The following RIC8B variants were observed in gnomAD, a reference collection of about 807,000 sequenced individuals.
RIC8B encodes chaperone Ric-8B.
In RIC8B, 16 loss-of-function variants were observed where a neutral mutation model predicts 57.5. The ratio of observed to expected loss-of-function variants is 0.28; its 90% confidence interval spans 0.19 to 0.42. The LOEUF (loss-of-function observed/expected upper bound fraction) is 0.42. RIC8B is among the 10% of genes least tolerant of loss of function. RIC8B has a pLI of 1.00. For missense variants in RIC8B, 481 were observed against 677.0 expected (o/e 0.71, Z 3.21); for synonymous variants, 216 against 250.8 (o/e 0.86, Z 1.31).
chr12:106,797,883 AG>A (rs1249818889), intron 2 of RIC8B: 1 of 444,896 alleles, frequency 2.2e-6, no homozygotes, highest in Non-Finnish European at 4.0e-6. Flanking sequence ...CCTGGCTCCA[AG>A]ACCCGTGTGC....
intron 3 of RIC8B, among the ~76,000 whole-genome samples, chr12:106,815,781 G>C (rs192798287): frequency 6.6e-6 from 1 of 152,322 alleles, no homozygotes; most frequent in African/African-American, 2.4e-5. Flanking sequence ...TGTTGTCCCA[G>C]TCTCTGGGAG....
chr12:106,826,286 G>A (rs1181577443), intron 4 of RIC8B, among the ~76,000 whole-genome samples: 1 of 152,136 alleles, frequency 6.6e-6, no homozygotes, highest in Non-Finnish European at 1.5e-5. Context: ...AGATTATACA[G>A]CCCTAACAAG....
At chr12:106,882,418 C>T (rs1950984376) in intron 9 of RIC8B, among the ~76,000 whole-genome samples, 1 of 152,186 alleles carries the variant, frequency 6.6e-6, no homozygotes, top group Non-Finnish European at 1.5e-5. Flanking sequence ...GTGCTTTTCA[C>T]TATACCACAA....
intron 7 of RIC8B, among the ~76,000 whole-genome samples, chr12:106,857,825 G>A (rs185418781): frequency 2.6e-5 from 4 of 152,226 alleles, no homozygotes; most frequent in East Asian, 3.9e-4. Flanking sequence ...TGAGGATTTC[G>A]TATTTCATTT....
intron 9 of RIC8B, among the ~76,000 whole-genome samples, chr12:106,873,928 T>G (rs562245186): frequency 3.3e-4 from 50 of 152,320 alleles, no homozygotes; most frequent in African/African-American, 1.1e-3. Context: ...TAATAAGTCT[T>G]GGATAGTCAC....
chr12:106,864,930 T>G (rs1950080038), intron 8 of RIC8B, among the ~76,000 whole-genome samples: 1 of 152,186 alleles, frequency 6.6e-6, no homozygotes, highest in Non-Finnish European at 1.5e-5. Flanking sequence ...CTTTTGTTAT[T>G]GGCTAGTGTC....
At chr12:106,836,944 C>CCAGA (rs2046627349) in intron 4 of RIC8B, among the ~76,000 whole-genome samples, 1 of 152,218 alleles carries the variant, frequency 6.6e-6, no homozygotes, top group Admixed American at 6.5e-5. Context: ...TGCTCCTGCC[C>CCAGA]CAGAGCCTTT....
At chr12:106,885,883 C>G (rs1566192754) in intron 9 of RIC8B, 21 bp from the exon 10 acceptor site, 8 of 1,513,226 alleles carry the variant, frequency 5.3e-6, no homozygotes, top group African/African-American at 1.4e-5. Flanking sequence ...TTTTTTCTCT[C>G]TCTTTTATCT....
chr12:106,785,785 GTCTC>G lies in RIC8B; in HGVS notation c.132+1767_132+1770del, dbSNP rs370138594. Among the ~76,000 whole-genome samples the G allele has an allele frequency of 2.3e-3, 245 of 104,664 alleles. 3 individuals carry two copies. The highest frequency in any genetic ancestry group is 7.3e-3 in the African/African-American group (194 of 26,492). 68.7% of individuals were successfully genotyped at this position (104,664 alleles called of 152,430 possible). ...TGAGCTCCAGACATGTGTATTCTAT[GTCTC>G]TCTCTCTCTCTCTCTCTCTCTCTCT... On this transcript the variant is annotated intron_variant, in intron 2 of 9. Transcript: ENST00000392837.
intron 2 of RIC8B, among the ~76,000 whole-genome samples, chr12:106,793,464 GGTTAACC>G (rs1464459014): frequency 1.3e-5 from 2 of 152,334 alleles, no homozygotes; most frequent in East Asian, 3.9e-4. Flanking sequence ...TGGAGATATA[GGTTAACC>G]CAAAGGCCAG....
At chr12:106,810,804 G>C (rs962992730) in intron 2 of RIC8B, among the ~76,000 whole-genome samples, 1 of 152,176 alleles carries the variant, frequency 6.6e-6, no homozygotes, top group Non-Finnish European at 1.5e-5. Context: ...TTATAATAAT[G>C]TATAACAGAT....
chr12:106,855,931 T>C lies in RIC8B; in HGVS notation c.1306+4337T>C, dbSNP rs1272380814. On this transcript the variant is annotated intron_variant, in intron 7 of 9. Transcript: ENST00000392837. ...TCAAACTCATAGCTAAAGTTGAATT[T>C]ATGATCTTCATTCCCATGCCCTTCG... is the stretch of plus-strand genomic sequence containing the variant. Among the ~76,000 whole-genome samples, 5 of 152,186 alleles carry C rather than the reference T, an allele frequency of 3.3e-5. No homozygotes were observed. In the East Asian group the frequency reaches 9.6e-4, roughly 29 times the overall value.
At chr12:106,828,056 G>T (rs897473833) in intron 4 of RIC8B, among the ~76,000 whole-genome samples, 3 of 152,126 alleles carry the variant, frequency 2.0e-5, no homozygotes, top group African/African-American at 7.2e-5. Flanking sequence ...TTTTAAAGAA[G>T]TCGTATTTAT....
At position 106,814,999 on chromosome 12, in the gene RIC8B, A is replaced by T; in HGVS notation, c.436A>T (p.Asn146Tyr). ...ACTTAATCTTGCTGCAAAGCTCTGT[A>T]ACCTCCTGAGAAAGTGCAAGGACCG... ...LELNLAAKLC[N>Y]LLRKCKDRKF... The change falls in exon 3 of 10, where the codon AAC (asparagine) becomes TAC (tyrosine). Residue 146 changes from asparagine to tyrosine, a missense_variant. By Grantham distance (143) the Asn-to-Tyr change is moderately radical. This residue lies in a region of RIC8B where 421 missense variants were observed against 560.9 expected (regional missense o/e 0.75). Transcript: ENST00000392837. The T allele has an allele frequency of 6.2e-7, 1 of 1,614,250 alleles. No homozygotes were observed. The highest frequency in any genetic ancestry group is 8.5e-7 in the Non-Finnish European group (1 of 1,180,048).
intron 9 of RIC8B, chr12:106,871,495 A>AAAC (rs1950419818): frequency 1.4e-5 from 2 of 141,664 alleles, no homozygotes; most frequent in Non-Finnish European, 3.0e-5. Flanking sequence ...AAAAAAAAAA[A>AAAC]AAACCAAAAA....
At chr12:106,821,641 C>T (rs768072578) in intron 3 of RIC8B, among the ~76,000 whole-genome samples, 3 of 151,926 alleles carry the variant, frequency 2.0e-5, no homozygotes, top group African/African-American at 4.8e-5. Flanking sequence ...GAAATGACAT[C>T]GATTTTCATT....
chr12:106,781,817 A>G (rs951376065), intron 1 of RIC8B, among the ~76,000 whole-genome samples: 2 of 152,180 alleles, frequency 1.3e-5, no homozygotes, highest in African/African-American at 4.8e-5. Context: ...AGCATTTTAC[A>G]TATAATGGCA....
At chr12:106,862,196 A>T (rs138895387) in intron 8 of RIC8B, among the ~76,000 whole-genome samples, 1 of 152,196 alleles carries the variant, frequency 6.6e-6, no homozygotes, top group East Asian at 1.9e-4. Flanking sequence ...TATTCATAGG[A>T]ATGGTATGTT....
chr12:106,869,575 T>C (rs1950303943), intron 8 of RIC8B, among the ~76,000 whole-genome samples: 2 of 152,206 alleles, frequency 1.3e-5, no homozygotes, highest in Non-Finnish European at 2.9e-5. Flanking sequence ...TGAAAGCGTT[T>C]ATGTTCATAG....
Sources: gnomAD v4.1 joint callset for allele counts (sites outside exome capture counted in the v4.1 genomes callset) on GRCh38, gnomAD v4.1.1 for gene constraint, gnomAD v4.1.1 regional missense constraint, MANE v1.5 for transcripts, NCBI Gene and HGNC (gene_info 2026-07-23, HGNC 2026-07-21) for gene names.